Variants in UIMC1 observed in about 807,000 individuals in gnomAD.
UIMC1 encodes ubiquitin interaction motif containing 1, also known as BRCA1-A complex subunit RAP80.
Under a neutral mutation model 84.9 loss-of-function variants are expected in UIMC1, and 42 were observed. That is an observed-to-expected ratio of 0.49 (90% CI 0.39 to 0.64). UIMC1 has a LOEUF of 0.64. Among genes scored for constraint, UIMC1 ranks in the 30% least tolerant of loss-of-function variants. The pLI, the probability that UIMC1 is intolerant of heterozygous loss-of-function variation, is 0.00. For synonymous variants in UIMC1, 281 were observed against 293.0 expected (o/e 0.96, Z 0.42); for missense variants, 825 against 847.6 (o/e 0.97, Z 0.33).
chr5:177,009,887 T>C (rs1168109419), upstream of UIMC1, among the ~76,000 whole-genome samples: 1 of 151,966 alleles, frequency 6.6e-6, no homozygotes, highest in African/African-American at 2.4e-5. This position sits in a 1 kb window ranked among gnomAD's most constrained non-coding sequence, Gnocchi z 4.3. Context: ...ATACAAAAAT[T>C]AGCTGGGCGT....
chr5:176,952,848 A>T (rs1489341527), intron 8 of UIMC1, among the ~76,000 whole-genome samples: 1 of 152,138 alleles, frequency 6.6e-6, no homozygotes, highest in East Asian at 1.9e-4. Context: ...ATATCACTTA[A>T]TATAACAACA....
At chr5:176,984,493 A>G (rs924439328) in intron 1 of UIMC1, among the ~76,000 whole-genome samples, 1 of 132,736 alleles carries the variant, frequency 7.5e-6, no homozygotes, top group African/African-American at 2.9e-5. Flanking sequence ...TGGCCGCCCC[A>G]TCTAGGAGTG....
At chr5:176,983,002 T>C (rs888012201) in intron 1 of UIMC1, among the ~76,000 whole-genome samples, 3 of 152,098 alleles carry the variant, frequency 2.0e-5, no homozygotes, top group Non-Finnish European at 4.4e-5. Flanking sequence ...TCCAGCCTAA[T>C]TTTTGTATTT....
intron 1 of UIMC1, among the ~76,000 whole-genome samples, chr5:176,998,566 G>A (rs959805368): frequency 1.1e-4 from 16 of 151,006 alleles, no homozygotes; most frequent in Admixed American, 9.9e-4. Context: ...TCAGGAGTTC[G>A]AGACCAGCCT....
At chr5:177,018,421 T>C (rs549095087) in intron 1 of UIMC1, among the ~76,000 whole-genome samples, 30 of 152,198 alleles carry the variant, frequency 2.0e-4, no homozygotes, top group South Asian at 1.5e-3. Flanking sequence ...TTAAGCACTA[T>C]AGTTTCGTTT....
chr5:176,998,179 T>C (rs965455177), intron 1 of UIMC1, among the ~76,000 whole-genome samples: 3 of 152,002 alleles, frequency 2.0e-5, no homozygotes, highest in East Asian at 3.9e-4. Flanking sequence ...TGGCAAATGA[T>C]AGGGGATCAA....
At chr5:176,927,804 A>C (rs6861361) in intron 10 of UIMC1, among the ~76,000 whole-genome samples, 148,318 of 151,668 alleles carry the variant, frequency 0.98, 72,533 homozygotes, top group East Asian at 1. Flanking sequence ...AACAAAAAAA[A>C]CAGTTCTCTA....
chr5:176,917,049 A>G (rs561120828), intron 10 of UIMC1, among the ~76,000 whole-genome samples: 244 of 152,336 alleles, frequency 1.6e-3, no homozygotes, highest in African/African-American at 5.6e-3. Flanking sequence ...AAGTCTTCTC[A>G]GTTTGTCTCC....
chr5:176,975,131 G>A (rs2149491912), intron 3 of UIMC1, among the ~76,000 whole-genome samples: 1 of 151,998 alleles, frequency 6.6e-6, no homozygotes, highest in South Asian at 2.1e-4. Context: ...GACAGAGTGA[G>A]ATCCTGTCTC....
intron 11 of UIMC1, 28 bp downstream of exon 11, chr5:176,911,283 G>A (rs745308241): frequency 1.9e-6 from 3 of 1,564,898 alleles, no homozygotes. Flanking sequence ...TTATACAAGA[G>A]CTCCGTGAAT....
At chr5:177,006,045 A>G (rs1775212767) in intron 1 of UIMC1, among the ~76,000 whole-genome samples, 1 of 152,176 alleles carries the variant, frequency 6.6e-6, no homozygotes, top group Non-Finnish European at 1.5e-5. Context: ...GAAAACGAGG[A>G]TCACACAACA....
intron 10 of UIMC1, among the ~76,000 whole-genome samples, chr5:176,914,018 C>T (rs1337887092): frequency 6.6e-6 from 1 of 150,604 alleles, no homozygotes; most frequent in East Asian, 2.0e-4. Context: ...CATACCATAC[C>T]ATACACCATA....
intron 8 of UIMC1, among the ~76,000 whole-genome samples, chr5:176,953,621 A>G (rs897859140): frequency 1.3e-5 from 2 of 152,130 alleles, no homozygotes; most frequent in Non-Finnish European, 2.9e-5. Flanking sequence ...AGCATATTTA[A>G]AAGTAAGAAC....
In UIMC1 at chr5:176,931,724, T is replaced by C. The variant is rs531998488; in HGVS notation, c.1597+11611A>G. 2.6e-5 allele frequency among the ~76,000 whole-genome samples: 4 copies of C among 152,268 alleles called. No individual in the cohort carries two copies. The South Asian group carries it at 6.2e-4, about 24-fold the overall frequency. On this transcript the variant is annotated intron_variant, in intron 10 of 14. Coordinates refer to ENST00000511320, the MANE Select transcript of UIMC1 (RefSeq NM_001199298.2). Reference sequence around the variant, plus strand: ...ACTGAAGGCCGGGTGCGGTGGCTCATGCCTGTAATCCCAGCACTTCAGGAG... The same window carrying C: ...ACTGAAGGCCGGGTGCGGTGGCTCACGCCTGTAATCCCAGCACTTCAGGAG...
intron 10 of UIMC1, among the ~76,000 whole-genome samples, chr5:176,920,108 G>A (rs1043504244): frequency 2.0e-5 from 3 of 152,028 alleles, no homozygotes; most frequent in Admixed American, 6.6e-5. Context: ...CACAACCTCC[G>A]CCTCCTGGGT....
rs550360503 is a variant in UIMC1 at position 177,014,486 on chromosome 5, T to G, written c.-9+7978A>C. On this transcript the variant is annotated intron_variant, in intron 1 of 5. Transcript: ENST00000509236. ...GCCTCAAACCTACTATGTTAATTCT[T>G]TTCTGCACAATATGTAATGCTGTGG... is the stretch of plus-strand genomic sequence containing the variant. Among the ~76,000 whole-genome samples the G allele has an allele frequency of 2.0e-5, 3 of 152,338 alleles. No homozygotes were observed. The South Asian group carries it at 6.2e-4, about 32-fold the overall frequency.
intron 10 of UIMC1, among the ~76,000 whole-genome samples, chr5:176,937,131 C>T (rs1473801212): frequency 6.6e-6 from 1 of 152,190 alleles, no homozygotes; most frequent in Admixed American, 6.5e-5. Context: ...AAAGTAAATG[C>T]AAAGGCAACG....
chr5:176,983,294 C>T (rs1008817517), intron 1 of UIMC1, among the ~76,000 whole-genome samples: 1 of 151,790 alleles, frequency 6.6e-6, no homozygotes, highest in South Asian at 2.1e-4. Context: ...GCTGATACTG[C>T]CACGATCTTG....
chr5:176,969,785 G>A (rs1042301336), intron 4 of UIMC1, 79 bp from the exon 5 acceptor site: 1 of 1,188,242 alleles, frequency 8.4e-7, no homozygotes, highest in African/African-American at 1.5e-5. Flanking sequence ...AGGACAAAAT[G>A]GGAGGCCACC....
Sources: gnomAD v4.1 joint callset for allele counts (sites outside exome capture counted in the v4.1 genomes callset) on GRCh38, gnomAD v4.1.1 for gene constraint, Gnocchi (gnomAD v3.1) non-coding constraint, MANE v1.5 for transcripts, NCBI Gene and HGNC (gene_info 2026-07-23, HGNC 2026-07-21) for gene names.